Variants in PDE1C observed in about 807,000 individuals in gnomAD.
PDE1C encodes the protein phosphodiesterase 1C, also known as dual specificity calcium/calmodulin-dependent 3',5'-cyclic nucleotide phosphodiesterase 1C.
In PDE1C, 62 loss-of-function variants were observed where a neutral mutation model predicts 93.1. The observed-to-expected ratio is 0.67, with a 90% CI of 0.54 to 0.82. The LOEUF (loss-of-function observed/expected upper bound fraction) is 0.82. Among genes scored for constraint, PDE1C ranks in the 40% least tolerant of loss-of-function variants. The pLI, the probability that PDE1C is intolerant of heterozygous loss-of-function variation, is 0.00. For missense variants in PDE1C, 742 were observed against 884.6 expected, an observed-to-expected ratio of 0.84 and a Z score of 2.04; for synonymous variants, 325 against 310.1, an observed-to-expected ratio of 1.05 and a Z score of -0.50.
At chr7:31,623,090 T>G in the PDE1C span, among the ~76,000 whole-genome samples, 1 of 152,044 alleles carries the variant, frequency 6.6e-6, no homozygotes, top group South Asian at 2.1e-4. Context: ...AATAACAGGA[T>G]CTGAAATTGT....
chr7:32,358,118 C>T lies in PDE1C; in HGVS notation c.310+69704G>A, dbSNP rs573030993. Among the ~76,000 whole-genome samples the T allele has an allele frequency of 7.2e-5, 11 of 152,292 alleles. No homozygotes were observed. The South Asian group carries it at 2.1e-3, about 29-fold the overall frequency. ...CTGTGTTATCTTCTATTATGTTTGGCTTTCTGTTTTCCTCCTCCCCTTCCC... is the reference window on the plus strand; with the variant it reads ...CTGTGTTATCTTCTATTATGTTTGGTTTTCTGTTTTCCTCCTCCCCTTCCC... On this transcript the variant is annotated intron_variant, in intron 1 of 1. Transcript: ENST00000672256.
At chr7:32,276,096 A>G (rs1192254328) in intron 1 of PDE1C, among the ~76,000 whole-genome samples, 3 of 152,236 alleles carry the variant, frequency 2.0e-5, no homozygotes, top group Non-Finnish European at 1.5e-5. Context: ...GTATTACAAT[A>G]CTATTCCTGA....
At chr7:32,201,448 T>C (rs1334928704) in intron 2 of PDE1C, among the ~76,000 whole-genome samples, 1 of 152,176 alleles carries the variant, frequency 6.6e-6, no homozygotes, top group Non-Finnish European at 1.5e-5. Context: ...AGGGTAAATA[T>C]TTGCTATTAT....
At chr7:32,056,479 G>A (rs1794124875) in intron 1 of PDE1C, among the ~76,000 whole-genome samples, 1 of 151,938 alleles carries the variant, frequency 6.6e-6, no homozygotes, top group South Asian at 2.1e-4. Context: ...ACTTGCCTGA[G>A]CTTTAATCCC....
At chr7:31,935,286 T>C (rs1412379022) in intron 2 of PDE1C, among the ~76,000 whole-genome samples, 3 of 152,180 alleles carry the variant, frequency 2.0e-5, no homozygotes, top group African/African-American at 7.2e-5. Context: ...AAAACCCACT[T>C]GGCTGACAGC....
chr7:31,979,964 T>C (rs1247677333), intron 2 of PDE1C, among the ~76,000 whole-genome samples: 3 of 152,154 alleles, frequency 2.0e-5, no homozygotes, highest in African/African-American at 7.2e-5. Context: ...AGAAATAACA[T>C]GTAAATCATC....
upstream of PDE1C, among the ~76,000 whole-genome samples, chr7:32,075,801 C>T (rs763606733): frequency 1.3e-5 from 2 of 152,160 alleles, no homozygotes; most frequent in Non-Finnish European, 2.9e-5. Context: ...TTCTGCGCCT[C>T]TCTCTGCCAG....
chr7:32,153,012 T>A (rs1282383224), intron 3 of PDE1C, among the ~76,000 whole-genome samples: 2 of 152,164 alleles, frequency 1.3e-5, no homozygotes, highest in African/African-American at 4.8e-5. Flanking sequence ...AATTTCACTT[T>A]GGAAAATATT....
chr7:31,875,836 A>ATAC, intron 5 of PDE1C, among the ~76,000 whole-genome samples: 1 of 34,882 alleles, frequency 2.9e-5, no homozygotes, highest in Non-Finnish European at 6.6e-5. Flanking sequence ...TATATATATA[A>ATAC]TGGAAAAAGT....
At chr7:31,932,331 T>C (rs1254875938) in intron 2 of PDE1C, among the ~76,000 whole-genome samples, 1 of 151,874 alleles carries the variant, frequency 6.6e-6, no homozygotes, top group African/African-American at 2.4e-5. Context: ...GACAAAGATC[T>C]AATATCCAGA....
At chr7:32,277,211 T>C (rs1387405058) in intron 1 of PDE1C, among the ~76,000 whole-genome samples, 1 of 152,196 alleles carries the variant, frequency 6.6e-6, no homozygotes, top group Non-Finnish European at 1.5e-5. Flanking sequence ...ATCATGCCAC[T>C]GCACTCTAGC....
chr7:31,900,646 T>C (rs1799857080), intron 2 of PDE1C, among the ~76,000 whole-genome samples: 1 of 151,856 alleles, frequency 6.6e-6, no homozygotes, highest in Non-Finnish European at 1.5e-5. Context: ...GGTAATTTTA[T>C]ACATATTCAT....
intron 3 of PDE1C, among the ~76,000 whole-genome samples, chr7:32,105,951 C>T (rs1017117413): frequency 2.6e-5 from 4 of 152,016 alleles, no homozygotes; most frequent in African/African-American, 4.8e-5. Flanking sequence ...TAAGAACCAC[C>T]CCCACCATTT....
chr7:31,914,219 G>A (rs1801599750), intron 2 of PDE1C, among the ~76,000 whole-genome samples: 1 of 152,048 alleles, frequency 6.6e-6, no homozygotes, highest in Non-Finnish European at 1.5e-5. Context: ...AGAAGTCAAA[G>A]TCCAAGATCT....
In PDE1C at chr7:31,797,651, C is replaced by A. The variant is rs1253369332; in HGVS notation, c.1891+11380G>T. 2.6e-5 allele frequency among the ~76,000 whole-genome samples: 4 copies of A among 151,780 alleles called. No homozygotes were observed. The East Asian group carries it at 7.8e-4, about 30-fold the overall frequency. On this transcript the variant is annotated intron_variant, in intron 16 of 17. Transcript: ENST00000396191. Reference sequence around the variant, plus strand: ...TGTCTTCCCAATTCACATTCCTTGGCCTATTTTACACATCACATGATCTGG... The same window carrying A: ...TGTCTTCCCAATTCACATTCCTTGGACTATTTTACACATCACATGATCTGG...
chr7:32,389,979 T>A (rs1784720393), intron 1 of PDE1C, among the ~76,000 whole-genome samples: 1 of 152,202 alleles, frequency 6.6e-6, no homozygotes, highest in Non-Finnish European at 1.5e-5. Flanking sequence ...GGAATTGGTC[T>A]ATATTGAAAC....
intron 2 of PDE1C, among the ~76,000 whole-genome samples, chr7:31,971,056 C>T (rs1005799585): frequency 5.9e-5 from 9 of 152,272 alleles, no homozygotes; most frequent in East Asian, 1.9e-4. Flanking sequence ...GTAGGAGAAT[C>T]GCTTGAACCT....
chr7:31,630,691 G>A, the PDE1C span, among the ~76,000 whole-genome samples: 1 of 152,056 alleles, frequency 6.6e-6, no homozygotes, highest in South Asian at 2.1e-4. Flanking sequence ...TATAGCTTAT[G>A]AAAATAGTTA....
chr7:31,664,140 T>C, the PDE1C span, among the ~76,000 whole-genome samples: 3,411 of 152,210 alleles, frequency 0.022, 133 homozygotes, highest in African/African-American at 0.077. Flanking sequence ...CACTGTCCAG[T>C]ATAACCATGG....
Sources: gnomAD v4.1 joint callset for allele counts (sites outside exome capture counted in the v4.1 genomes callset) on GRCh38, gnomAD v4.1.1 for gene constraint, MANE v1.5 for transcripts, NCBI Gene and HGNC (gene_info 2026-07-23, HGNC 2026-07-21) for gene names.